Variants in MYO19 observed in about 807,000 individuals in gnomAD.
MYO19 encodes the protein unconventional myosin-XIX.
Under a neutral mutation model 129.2 loss-of-function variants are expected in MYO19, and 132 were observed. That is an observed-to-expected ratio of 1.02 (90% CI 0.89 to 1.18). MYO19 has a LOEUF of 1.18. Ranked by LOEUF, MYO19 falls within the 50% of genes most tolerant of loss-of-function variation. The probability of loss-of-function intolerance (pLI) is 0.00; values close to 1 mark genes in which losing one functional copy is unlikely to be tolerated. For synonymous variants in MYO19, 531 were observed against 477.2 expected, an observed-to-expected ratio of 1.11 and a Z score of -1.47; for missense variants, 1,210 against 1,216.7, an observed-to-expected ratio of 0.99 and a Z score of 0.08.
chr17:36,518,721 G>A (rs2072958509), intron 6 of MYO19, among the ~76,000 whole-genome samples: 1 of 150,834 alleles, frequency 6.6e-6, no homozygotes, highest in Non-Finnish European at 1.5e-5. Flanking sequence ...AATAAAAAAA[G>A]GAACTAAGAT....
chr17:36,537,154 C>T, upstream of MYO19: 1 of 1,613,122 alleles, frequency 6.2e-7, no homozygotes, highest in East Asian at 2.2e-5. Flanking sequence ...AATGGAACCA[C>T]CGTGCTGGAA....
chr17:36,509,106 T>A lies in MYO19; in HGVS notation c.1187A>T (p.Asn396Ile). Residue 396 changes from asparagine (N) to isoleucine (I), a missense_variant, in exon 14 of 26, where the codon AAC becomes ATC. Coordinates refer to ENST00000614623, the MANE Select transcript of MYO19 (RefSeq NM_001163735.2). Reference sequence around the variant, plus strand: ...GTCGGTGTCTGCACAGATGCTGCTGTTGATCACTGATACCAGCCAGTCAAA... The same window carrying A: ...GTCGGTGTCTGCACAGATGCTGCTGATGATCACTGATACCAGCCAGTCAAA... ...RLFDWLVSVI[N>I]SSICADTDSW... The A allele has an allele frequency of 6.2e-7, 1 of 1,613,894 alleles. No homozygotes were observed. The highest frequency in any genetic ancestry group is 8.5e-7 in the Non-Finnish European group (1 of 1,179,844).
chr17:36,537,860 GATT>G (rs755328354), upstream of MYO19: 2 of 1,614,028 alleles, frequency 1.2e-6, no homozygotes, highest in South Asian at 2.2e-5. Flanking sequence ...CACTGCTGTT[GATT>G]ATTTTTCCCC....
In MYO19 at chr17:36,530,479, C is replaced by T. The variant is rs534041977; in HGVS notation, c.12+2048G>A. Among the ~76,000 whole-genome samples, 9 of 109,496 alleles carry T rather than the reference C, an allele frequency of 8.2e-5. No individual in the cohort carries two copies. The Admixed American group carries it at 1.0e-3, about 12-fold the overall frequency. 71.8% of individuals were successfully genotyped at this position (109,496 alleles called of 152,430 possible). A position where few individuals can be genotyped will look rare whatever the true frequency, so the allele number is the denominator to read the frequency against. ...TTTTTTTTTTTTTTTTTTTTTGAGA[C>T]GGAGTTTCGCTCTGTCGCCCAGGCT... is the stretch of plus-strand genomic sequence containing the variant. On this transcript the variant is annotated intron_variant, in intron 3 of 25. Coordinates refer to ENST00000614623, the MANE Select transcript of MYO19 (RefSeq NM_001163735.2).
chr17:36,498,708 G>T, intron 24 of MYO19, 149 bp from the exon 25 acceptor site: 1 of 832,930 alleles, frequency 1.2e-6, no homozygotes, highest in Non-Finnish European at 1.8e-6. Context: ...AACCAAACTG[G>T]TTCCATATGC....
intron 11 of MYO19, chr17:36,512,841 C>G (rs2072458906): frequency 8.1e-7 from 1 of 1,230,122 alleles, no homozygotes; most frequent in African/African-American, 1.6e-5. Flanking sequence ...GAAGGGAGGC[C>G]CCCCTAGTGT....
Position 36,500,867 on chromosome 17 carries a change from C to T in MYO19, c.2340G>A (p.Gln780=). The T allele has an allele frequency of 6.2e-7, 1 of 1,605,326 alleles. No individual in the cohort carries two copies. The highest frequency in any genetic ancestry group is 8.5e-7 in the Non-Finnish European group (1 of 1,179,262). Residue 780 remains glutamine (Q), a synonymous_variant, in exon 23 of 26, where the codon CAG becomes CAA. Coordinates refer to ENST00000614623, the MANE Select transcript of MYO19 (RefSeq NM_001163735.2). Reference sequence around the variant, plus strand: ...GCATGACGGCCCGCCACTGCCGCTCCTGCTCTCGGTGCCGGTGTCGCCTCC... The same window carrying T: ...GCATGACGGCCCGCCACTGCCGCTCTTGCTCTCGGTGCCGGTGTCGCCTCC... ...GGWRRHRHRE[Q]ERQWRAVMLI...
Position 36,505,281 on chromosome 17 carries a change from G to A in MYO19, c.1905+16C>T, listed in dbSNP as rs2071803625. On this transcript the variant is annotated intron_variant, in intron 19 of 25. Coordinates refer to ENST00000614623, the MANE Select transcript of MYO19 (RefSeq NM_001163735.2). ...TGGGGTTTGGTGCGAAGCAGCTTTG[G>A]CCCGGTGTTAATTACCTCCTCTTGG... is the stretch of plus-strand genomic sequence containing the variant. 5.6e-6 allele frequency: 9 copies of A among 1,608,762 alleles called. No homozygotes were observed. Among genetic ancestry groups the A allele is most frequent in the Non-Finnish European group, 6.8e-6 (8 of 1,175,084 alleles).
upstream of MYO19, chr17:36,538,820 C>T: frequency 2.0e-6 from 1 of 494,746 alleles, no homozygotes; most frequent in Admixed American, 3.9e-5. Context: ...GTGGTGCCAT[C>T]TCAGCTCACT....
rs145963696 is a variant in MYO19, at chr17:36,521,304, A to G, written c.414+3924T>C. 1.6e-4 allele frequency among the ~76,000 whole-genome samples: 24 copies of G among 152,378 alleles called. No homozygotes were observed. In the East Asian group the frequency reaches 4.6e-3, roughly 29 times the overall value. Reference sequence around the variant, plus strand: ...ACAGACACTCTAGGATCATTATTTCATAAGCCTCTTTTACGTGAAATGACA... The same window carrying G: ...ACAGACACTCTAGGATCATTATTTCGTAAGCCTCTTTTACGTGAAATGACA... On this transcript the variant is annotated intron_variant, in intron 6 of 25. Transcript: ENST00000614623.
chr17:36,528,947 G>C (rs547100299), intron 3 of MYO19, among the ~76,000 whole-genome samples: 1 of 152,256 alleles, frequency 6.6e-6, no homozygotes, highest in African/African-American at 2.4e-5. Flanking sequence ...GGAAGAGACA[G>C]TTCAGCTTTT....
rs2070925314 is a variant in MYO19 at position 36,495,895 on chromosome 17, A to G, written c.*356T>C. 1 of 1,224,622 alleles carries G rather than the reference A, an allele frequency of 8.2e-7. No individual in the cohort carries two copies. Among genetic ancestry groups the G allele is most frequent in the Non-Finnish European group, 1.0e-6 (1 of 979,236 alleles). The allele number at this position is 1,224,622 out of a possible 1,614,324, so 75.9% of individuals were successfully genotyped here. On this transcript the variant is annotated 3_prime_UTR_variant, in exon 26 of 26. Transcript: ENST00000614623. ...AAATTCCAGCGCCAATTTTAGGCCA[A>G]CTTTGGCTGTTTTCTTCCAAAAGTG...
intron 13 of MYO19, 35 bp downstream of exon 13, chr17:36,510,711 G>A (rs1261514208): frequency 1.9e-6 from 3 of 1,555,434 alleles, no homozygotes; most frequent in Admixed American, 3.6e-5. Context: ...ACTTGTCGGG[G>A]TCCTCCCCAA....
At position 36,511,452 on chromosome 17, in the gene MYO19, G is replaced by A; in HGVS notation, c.898C>T (p.Leu300=). The A allele has an allele frequency of 6.4e-7, 1 of 1,558,762 alleles. No homozygotes were observed. Among genetic ancestry groups the A allele is most frequent in the African/African-American group, 1.4e-5 (1 of 73,498 alleles). Residue 300 remains leucine (L), a synonymous_variant, in exon 12 of 26, where the codon CTA becomes TTA. Coordinates refer to ENST00000614623, the MANE Select transcript of MYO19 (RefSeq NM_001163735.2). ...TTGCCAAGGTGCAGCAGTCCAGCTA[G>A]GACCTGGGGGAAAGAAAAGGATGGG... ...TPTQNNIFKV[L]AGLLHLGNIQ...
chr17:36,509,327 G>A, intron 13 of MYO19, 192 bp from the exon 14 acceptor site: 2 of 610,912 alleles, frequency 3.3e-6, no homozygotes, highest in Non-Finnish European at 5.9e-6. Flanking sequence ...CAGGCTATGG[G>A]CATGCATGTT....
At chr17:36,520,248 T>C (rs564869915) in intron 6 of MYO19, among the ~76,000 whole-genome samples, 1 of 152,320 alleles carries the variant, frequency 6.6e-6, no homozygotes, top group South Asian at 2.1e-4. Context: ...AGTGCTGGGA[T>C]TACAGGCGTG....
chr17:36,514,387 A>C (rs1174250589), intron 9 of MYO19, 59 bp downstream of exon 9: 106 of 1,177,782 alleles, frequency 9.0e-5, no homozygotes, highest in Non-Finnish European at 7.8e-5. Flanking sequence ...GGGGGGTTGA[A>C]AAACACGGAC....
intron 6 of MYO19, among the ~76,000 whole-genome samples, chr17:36,518,626 T>C (rs1465703878): frequency 6.9e-6 from 1 of 144,348 alleles, no homozygotes; most frequent in African/African-American, 2.6e-5. Context: ...ATATGTCTCC[T>C]TAGAAGATAA....
In MYO19 at chr17:36,507,517, A is replaced by G. The variant is rs1432461329; in HGVS notation, c.1354-5T>C. 8 of 1,612,752 alleles carry G rather than the reference A, an allele frequency of 5.0e-6. No individual in the cohort carries two copies. The African/African-American group carries it at 1.1e-4, about 22-fold the overall frequency. On this transcript the variant is annotated splice_polypyrimidine_tract_variant and splice_region_variant and intron_variant, in intron 15 of 25. Coordinates refer to ENST00000614623, the MANE Select transcript of MYO19 (RefSeq NM_001163735.2). ...GCCCTCAACTGCGTATTCCTCCTAA[A>G]GAACAAGGTGGGATGAGGTGGGAGA... is the stretch of plus-strand genomic sequence containing the variant.
Sources: allele counts gnomAD v4.1 joint callset (sites outside exome capture counted in the v4.1 genomes callset), GRCh38; gene constraint gnomAD v4.1.1; transcripts MANE v1.5; gene names NCBI Gene and HGNC (gene_info 2026-07-23, HGNC 2026-07-21).